The following ARHGAP15 variants were observed in gnomAD, a reference collection of about 807,000 sequenced individuals.
The protein encoded by ARHGAP15 is rho GTPase-activating protein 15.
ARHGAP15 carries 51 observed loss-of-function variants against 63.7 expected under a neutral mutation model. The observed-to-expected ratio is 0.80, with a 90% CI of 0.64 to 1.01. The LOEUF is 1.01. Ranked by LOEUF, ARHGAP15 falls within the 50% of genes least tolerant of loss-of-function variation. The probability of loss-of-function intolerance (pLI) is 0.00; values close to 1 mark genes in which losing one functional copy is unlikely to be tolerated. For missense variants in ARHGAP15, 560 were observed against 564.6 expected, an observed-to-expected ratio of 0.99 and a Z score of 0.08; for synonymous variants, 191 against 193.8, an observed-to-expected ratio of 0.99 and a Z score of 0.12.
intron 13 of ARHGAP15, among the ~76,000 whole-genome samples, chr2:143,756,714 C>T (rs915497455): frequency 6.6e-6 from 1 of 151,900 alleles, no homozygotes; most frequent in African/African-American, 2.4e-5. Flanking sequence ...GATATGAATG[C>T]TTTCAGAAGT....
chr2:143,410,933 ATG>A (rs1376030370), intron 6 of ARHGAP15, among the ~76,000 whole-genome samples: 1 of 152,006 alleles, frequency 6.6e-6, no homozygotes, highest in African/African-American at 2.4e-5. Flanking sequence ...GCCAGGCGTG[ATG>A]GCTCACGCCT....
chr2:143,416,028 T>C (rs1688662021), intron 6 of ARHGAP15, among the ~76,000 whole-genome samples: 1 of 151,984 alleles, frequency 6.6e-6, no homozygotes, highest in African/African-American at 2.4e-5. Flanking sequence ...GTGCAGTGTA[T>C]GCTGCCTGGG....
rs373033310 is a variant in ARHGAP15, at chr2:143,296,128, C to T, written c.474+45528C>T. Among the ~76,000 whole-genome samples the T allele has an allele frequency of 3.7e-4, 56 of 152,144 alleles. 1 individual carries two copies. In the South Asian group the frequency reaches 0.011, roughly 30 times the overall value. Reference sequence around the variant, plus strand: ...CTCTCTCATGCAGAGAATATTTCATCCCTCCCTCAAATCAAGGGATGAGCC... The same window carrying T: ...CTCTCTCATGCAGAGAATATTTCATTCCTCCCTCAAATCAAGGGATGAGCC... On this transcript the variant is annotated intron_variant, in intron 6 of 13. Transcript: ENST00000295095.
chr2:143,434,594 A>C (rs1051874339), intron 6 of ARHGAP15, among the ~76,000 whole-genome samples: 3 of 152,156 alleles, frequency 2.0e-5, no homozygotes, highest in African/African-American at 7.2e-5. Flanking sequence ...AGGAAGGCTG[A>C]GAAGAGGTGA....
chr2:143,488,714 AATCT>A (rs1692437918), intron 9 of ARHGAP15, among the ~76,000 whole-genome samples: 1 of 152,264 alleles, frequency 6.6e-6, no homozygotes, highest in Non-Finnish European at 1.5e-5. Flanking sequence ...ACAACTGTTC[AATCT>A]ATCAGTTTCC....
intron 12 of ARHGAP15, among the ~76,000 whole-genome samples, chr2:143,666,352 A>T (rs1376016266): frequency 6.6e-6 from 1 of 152,156 alleles, no homozygotes; most frequent in Non-Finnish European, 1.5e-5. Context: ...GTGCTGGGAT[A>T]ACTGGCTAGC....
intron 13 of ARHGAP15, among the ~76,000 whole-genome samples, chr2:143,750,834 T>G (rs570615840): frequency 6.6e-6 from 1 of 152,328 alleles, no homozygotes; most frequent in South Asian, 2.1e-4. Context: ...TGCCCTAGAA[T>G]GATCAGAACA....
intron 6 of ARHGAP15, among the ~76,000 whole-genome samples, chr2:143,296,770 G>A (rs896255121): frequency 2.0e-5 from 3 of 150,916 alleles, no homozygotes; most frequent in Non-Finnish European, 4.4e-5. Flanking sequence ...CTATTTCATC[G>A]CCTGTGTATT....
chr2:143,129,615 G>C (rs567552336), intron 1 of ARHGAP15, 149 bp downstream of exon 1: 1 of 152,240 alleles, frequency 6.6e-6, no homozygotes, highest in East Asian at 1.9e-4. Context: ...CTTTGATGTA[G>C]AAAAGAATGT....
chr2:143,334,071 C>G (rs1188182948), intron 6 of ARHGAP15, among the ~76,000 whole-genome samples: 1 of 152,126 alleles, frequency 6.6e-6, no homozygotes, highest in Admixed American at 6.6e-5. Flanking sequence ...TCAGATACTT[C>G]CATCTTACAC....
At chr2:143,593,267 T>A (rs1449050304) in intron 11 of ARHGAP15, 1 of 152,210 alleles carries the variant, frequency 6.6e-6, no homozygotes, top group Non-Finnish European at 1.5e-5. Context: ...TCAGCTGGTT[T>A]AGGTACTGAT....
At chr2:143,282,663 G>A (rs938684994) in intron 6 of ARHGAP15, among the ~76,000 whole-genome samples, 8 of 152,038 alleles carry the variant, frequency 5.3e-5, no homozygotes, top group African/African-American at 1.9e-4. Context: ...AACCATATCA[G>A]GTAAATATTA....
chr2:143,171,572 G>A (rs1286340496), intron 2 of ARHGAP15, among the ~76,000 whole-genome samples: 3 of 152,066 alleles, frequency 2.0e-5, no homozygotes, highest in Non-Finnish European at 4.4e-5. Flanking sequence ...CCCTTACATC[G>A]ACAACCAGGC....
chr2:143,558,919 ATTCT>A (rs982991236), intron 11 of ARHGAP15, among the ~76,000 whole-genome samples: 4 of 152,146 alleles, frequency 2.6e-5, no homozygotes, highest in African/African-American at 9.7e-5. Context: ...CACTAATGCA[ATTCT>A]TTGTCTTTCA....
chr2:143,176,181 A>G (rs1290675319), intron 2 of ARHGAP15, among the ~76,000 whole-genome samples: 1 of 152,158 alleles, frequency 6.6e-6, no homozygotes, highest in Non-Finnish European at 1.5e-5. Flanking sequence ...CTTTTGTCAC[A>G]TGGTTCTAAG....
chr2:143,276,348 T>G (rs983753906), intron 6 of ARHGAP15, among the ~76,000 whole-genome samples: 1 of 152,234 alleles, frequency 6.6e-6, no homozygotes, highest in African/African-American at 2.4e-5. Flanking sequence ...CTTGTTTAAA[T>G]GAAAGAATTT....
intron 5 of ARHGAP15, among the ~76,000 whole-genome samples, chr2:143,234,570 G>A (rs1298281417): frequency 2.0e-5 from 3 of 152,136 alleles, no homozygotes; most frequent in African/African-American, 4.8e-5. Context: ...TAGGAGGGCC[G>A]TAGCTATCCT....
At chr2:143,302,857 C>CAA (rs1032990162) in intron 6 of ARHGAP15, among the ~76,000 whole-genome samples, 17 of 152,076 alleles carry the variant, frequency 1.1e-4, no homozygotes, top group African/African-American at 4.1e-4. Flanking sequence ...TGAGGATAAA[C>CAA]AAAAGGGCTT....
intron 6 of ARHGAP15, among the ~76,000 whole-genome samples, chr2:143,280,229 G>A (rs1483583766): frequency 6.6e-6 from 1 of 152,086 alleles, no homozygotes; most frequent in African/African-American, 2.4e-5. Context: ...GATGAGAAAT[G>A]AGTGTCAAAT....
Sources: gnomAD v4.1 joint callset for allele counts (sites outside exome capture counted in the v4.1 genomes callset) on GRCh38, gnomAD v4.1.1 for gene constraint, MANE v1.5 for transcripts, NCBI Gene and HGNC (gene_info 2026-07-23, HGNC 2026-07-21) for gene names.